The following MYO16 variants were observed in gnomAD, a reference collection of about 807,000 sequenced individuals.
MYO16 encodes unconventional myosin-XVI.
A neutral mutation model predicts 205.3 loss-of-function variants in MYO16; 94 were observed. The ratio of observed to expected loss-of-function variants is 0.46; its 90% CI spans 0.39 to 0.54. The LOEUF (loss-of-function observed/expected upper bound fraction) is 0.54. Ranked by LOEUF, MYO16 falls within the 20% of genes least tolerant of loss-of-function variation. MYO16 has a pLI of 0.00. For missense variants in MYO16, 2,315 were observed against 2,387.5 expected (o/e 0.97, Z 0.63); for synonymous variants, 988 against 954.0 (o/e 1.04, Z -0.66).
intron 34 of MYO16, among the ~76,000 whole-genome samples, chr13:109,188,923 G>A (rs1879797529): frequency 6.6e-6 from 1 of 152,036 alleles, no homozygotes; most frequent in Admixed American, 6.6e-5. Flanking sequence ...GAGAAAACCT[G>A]TCTCTACTAA....
intron 34 of MYO16, among the ~76,000 whole-genome samples, chr13:109,193,614 G>A (rs768907605): frequency 3.3e-5 from 5 of 152,156 alleles, no homozygotes; most frequent in Non-Finnish European, 7.3e-5. Flanking sequence ...ACTGTGTCCT[G>A]CAAAACAATG....
chr13:108,771,532 A>G (rs1289833001), intron 4 of MYO16, among the ~76,000 whole-genome samples: 2 of 152,126 alleles, frequency 1.3e-5, no homozygotes, highest in African/African-American at 4.8e-5. Context: ...ATTAGGGTTC[A>G]TTCTTGGTGG....
intron 1 of MYO16, among the ~76,000 whole-genome samples, chr13:108,639,457 G>A (rs7984755): frequency 0.068 from 10,416 of 152,092 alleles, 569 homozygotes; most frequent in African/African-American, 0.15. Context: ...CCTGATTTGC[G>A]CTATTCAAAC....
intron 4 of MYO16, among the ~76,000 whole-genome samples, chr13:108,748,619 A>G (rs1381221644): frequency 6.6e-6 from 1 of 152,172 alleles, no homozygotes. Flanking sequence ...TCCTGAAAGA[A>G]TAGAAGGCTT....
rs764115395 is a variant in MYO16, at chr13:109,047,966, GAA to G, written c.2872+976_2872+977del. 1.1e-3 allele frequency among the ~76,000 whole-genome samples: 168 copies of G among 151,908 alleles called. 2 individuals are homozygous for G. Among genetic ancestry groups the G allele is most frequent in the Non-Finnish European group, 2.1e-3 (141 of 67,892 alleles). ...AGCTAAAACTAACAAAAAAAACAAA[GAA>G]TAACATTATGAAGACGGAAAAGAAT... On this transcript the variant is annotated intron_variant, in intron 24 of 34. Coordinates refer to ENST00000457511, the MANE Select transcript of MYO16 (RefSeq NM_001198950.3).
chr13:108,912,368 A>T lies in MYO16; in HGVS notation c.1925+2218A>T, dbSNP rs559754962. ...AAAATTGTGTTTTATTTACAAAGAA[A>T]GACTGTTTTAGGGTTTTCTGTTCCC... On this transcript the variant is annotated intron_variant, in intron 16 of 34. Transcript: ENST00000457511. Among the ~76,000 whole-genome samples, 4 of 152,342 alleles carry T rather than the reference A, an allele frequency of 2.6e-5. No individual in the cohort carries two copies. The South Asian group carries it at 8.3e-4, about 32-fold the overall frequency.
chr13:108,946,584 A>G lies in MYO16; in HGVS notation c.1926-11104A>G, dbSNP rs79086695. On this transcript the variant is annotated intron_variant, in intron 16 of 34. Coordinates refer to ENST00000457511, the MANE Select transcript of MYO16 (RefSeq NM_001198950.3). The stretch of plus-strand genomic sequence containing the variant: ...ATTTTAAGACATGATCTTTATCTGT[A>G]AACAAGTTCATGACATTTAATTTTT... 3.7e-4 allele frequency among the ~76,000 whole-genome samples: 56 copies of G among 152,332 alleles called. No homozygotes were observed. The East Asian group carries it at 0.01, about 28-fold the overall frequency.
chr13:109,202,800 C>T (rs1364574465), intron 34 of MYO16, among the ~76,000 whole-genome samples: 8 of 152,160 alleles, frequency 5.3e-5, no homozygotes, highest in Non-Finnish European at 1.2e-4. Flanking sequence ...TGATTTCAAA[C>T]TATACTATAA....
intron 34 of MYO16, among the ~76,000 whole-genome samples, chr13:109,190,845 T>G (rs1879878829): frequency 6.6e-6 from 1 of 152,192 alleles, no homozygotes; most frequent in Non-Finnish European, 1.5e-5. Flanking sequence ...CATCCATGTA[T>G]AAGCAATGCA....
At chr13:109,041,129 C>T (rs528693239) in intron 23 of MYO16, among the ~76,000 whole-genome samples, 10 of 152,248 alleles carry the variant, frequency 6.6e-5, no homozygotes, top group East Asian at 1.9e-4. Context: ...AAATGCAATA[C>T]TTAGGTGTAA....
At chr13:109,000,287 T>A (rs74121933) in intron 21 of MYO16, among the ~76,000 whole-genome samples, 4,856 of 152,312 alleles carry the variant, frequency 0.032, 234 homozygotes, top group African/African-American at 0.11. Context: ...GAGCTCCTAC[T>A]ATTAGTCAGA....
At chr13:108,499,747 T>C in the MYO16 span, among the ~76,000 whole-genome samples, 13 of 152,246 alleles carry the variant, frequency 8.5e-5, no homozygotes. Flanking sequence ...TCATTTCTTA[T>C]ATATCCCACA....
intron 28 of MYO16, among the ~76,000 whole-genome samples, chr13:109,102,780 G>A (rs1458763159): frequency 6.6e-6 from 1 of 152,052 alleles, no homozygotes; most frequent in Non-Finnish European, 1.5e-5. Flanking sequence ...TGCAGCTGAG[G>A]ATAGCATTAA....
intron 12 of MYO16, among the ~76,000 whole-genome samples, chr13:108,867,756 C>G (rs1441978712): frequency 6.6e-6 from 1 of 152,142 alleles, no homozygotes; most frequent in Non-Finnish European, 1.5e-5. Context: ...CTCTAAAAAC[C>G]ATCATGCAGA....
chr13:108,778,220 A>G (rs1412971759), intron 4 of MYO16, among the ~76,000 whole-genome samples: 9 of 152,174 alleles, frequency 5.9e-5, no homozygotes, highest in African/African-American at 2.2e-4. Flanking sequence ...TTCCCGGTGA[A>G]GTCATCACAG....
upstream of MYO16, among the ~76,000 whole-genome samples, chr13:108,594,831 T>C (rs1878498821): frequency 6.6e-6 from 1 of 152,224 alleles, no homozygotes; most frequent in Non-Finnish European, 1.5e-5. Flanking sequence ...CATACATTTG[T>C]TGGATCTCTG....
At chr13:108,839,450 GAGA>G (rs1299032465) in intron 9 of MYO16, among the ~76,000 whole-genome samples, 4 of 151,592 alleles carry the variant, frequency 2.6e-5, no homozygotes, top group African/African-American at 4.9e-5. Context: ...CTATACTATT[GAGA>G]AGAACAGTCT....
the MYO16 span, among the ~76,000 whole-genome samples, chr13:108,588,260 C>T: frequency 0.027 from 4,079 of 152,208 alleles, 173 homozygotes; most frequent in African/African-American, 0.091. Flanking sequence ...TCACAATCAA[C>T]GCTGCCTATG....
intron 25 of MYO16, among the ~76,000 whole-genome samples, chr13:109,054,480 A>G (rs1887350236): frequency 6.6e-6 from 1 of 152,114 alleles, no homozygotes; most frequent in East Asian, 1.9e-4. Context: ...AACATAAAAC[A>G]CCATCATTTT....
Sources: gnomAD v4.1 joint callset for allele counts (sites outside exome capture counted in the v4.1 genomes callset) on GRCh38, gnomAD v4.1.1 for gene constraint, MANE v1.5 for transcripts, NCBI Gene and HGNC (gene_info 2026-07-23, HGNC 2026-07-21) for gene names.